Variants in PDE8A observed in about 807,000 individuals in gnomAD.
PDE8A encodes high affinity cAMP-specific and IBMX-insensitive 3',5'-cyclic phosphodiesterase 8A.
PDE8A carries 59 observed loss-of-function variants against 105.0 expected under a neutral mutation model. The observed-to-expected ratio is 0.56, with a 90% confidence interval of 0.46 to 0.70. The LOEUF is 0.70. Ranked by LOEUF, PDE8A falls within the 30% of genes least tolerant of loss-of-function variation. The probability of loss-of-function intolerance (pLI) is 0.00; values close to 1 mark genes in which losing one functional copy is unlikely to be tolerated. For missense variants in PDE8A, 1,014 were observed against 1,045.9 expected, an observed-to-expected ratio of 0.97 and a Z score of 0.42; for synonymous variants, 355 against 371.9, an observed-to-expected ratio of 0.95 and a Z score of 0.52.
At chr15:85,063,507 C>T (rs1413187124) in intron 1 of PDE8A, 1 of 152,206 alleles carries the variant, frequency 6.6e-6, no homozygotes, top group African/African-American at 2.4e-5. Flanking sequence ...CTTCCTTGGG[C>T]CCCTTTGTGT....
chr15:85,041,474 C>G (rs1356688244), intron 1 of PDE8A, among the ~76,000 whole-genome samples: 1 of 152,190 alleles, frequency 6.6e-6, no homozygotes, highest in Admixed American at 6.5e-5. Flanking sequence ...TGTGGAGATG[C>G]ACATCCTCTT....
intron 1 of PDE8A, among the ~76,000 whole-genome samples, chr15:85,035,714 C>G (rs1283168718): frequency 6.6e-6 from 1 of 151,968 alleles, no homozygotes. Flanking sequence ...GATGGAAGTT[C>G]TTTTCTCAAG....
chr15:85,100,160 A>G lies in PDE8A; in HGVS notation c.998A>G (p.Glu333Gly), dbSNP rs1270231097. 2.5e-6 allele frequency: 4 copies of G among 1,613,908 alleles called. No homozygotes were observed. Among genetic ancestry groups the G allele is most frequent in the East Asian group, 2.2e-5 (1 of 44,886 alleles). ...GCTTTTAAAATTCACTTTTAGGCTG[A>G]GAAAATATCCGAATGTGTTCAGTCT... Reference protein sequence around the residue: ...IRVCNGNNKAEKISECVQSDT... With the variant: ...IRVCNGNNKAGKISECVQSDT... Residue 333 changes from glutamate (E) to glycine (G), a missense_variant, in exon 11 of 22, where the codon GAG (glutamate) becomes GGG (glycine). Coordinates refer to ENST00000394553, the MANE Select transcript of PDE8A (RefSeq NM_002605.3).
chr15:85,001,340 C>T (rs993821537), intron 1 of PDE8A, among the ~76,000 whole-genome samples: 7 of 151,926 alleles, frequency 4.6e-5, no homozygotes, highest in Admixed American at 1.3e-4. Flanking sequence ...AAAATGCCCC[C>T]TTTTTTTTGT....
intron 3 of PDE8A, among the ~76,000 whole-genome samples, chr15:85,074,621 G>A (rs569729309): frequency 2.6e-5 from 4 of 152,348 alleles, no homozygotes; most frequent in South Asian, 2.1e-4. Flanking sequence ...AGACTGCAGT[G>A]AGCTGTGATT....
At chr15:84,982,389 G>T in intron 1 of PDE8A, 41 bp downstream of exon 1, 2 of 1,261,320 alleles carry the variant, frequency 1.6e-6, no homozygotes, top group Non-Finnish European at 2.0e-6. Context: ...GCGAAACTCG[G>T]GCCCGGCCAG....
At chr15:84,994,681 G>A (rs11854452) in intron 1 of PDE8A, among the ~76,000 whole-genome samples, 30,436 of 152,152 alleles carry the variant, frequency 0.2, 7,183 homozygotes, top group African/African-American at 0.58. Flanking sequence ...GTAATTGCAA[G>A]TGAGGACGGG....
intron 1 of PDE8A, among the ~76,000 whole-genome samples, chr15:84,996,850 A>AAAAT (rs61005863): frequency 2.0e-5 from 3 of 146,760 alleles, no homozygotes; most frequent in African/African-American, 5.0e-5. Context: ...AAAAAAAAAA[A>AAAAT]GGTGGTACAC....
intron 1 of PDE8A, among the ~76,000 whole-genome samples, chr15:85,003,888 G>A (rs2080104467): frequency 6.6e-6 from 1 of 152,200 alleles, no homozygotes; most frequent in South Asian, 2.1e-4. Flanking sequence ...CCTTCTATCT[G>A]TGGCTCTTTT....
intron 8 of PDE8A, among the ~76,000 whole-genome samples, chr15:85,096,820 T>A (rs2081762479): frequency 6.6e-6 from 1 of 152,192 alleles, no homozygotes; most frequent in South Asian, 2.1e-4. Context: ...TGGTGCCCAT[T>A]GTTTTCAGAA....
chr15:85,101,315 C>A (rs4842864), intron 11 of PDE8A, among the ~76,000 whole-genome samples: 45,012 of 151,896 alleles, frequency 0.3, 6,984 homozygotes, highest in Middle Eastern at 0.37. Context: ...GAAGTGATCC[C>A]CAGGAATGAG....
Position 85,137,988 on chromosome 15 carries a change from C to G in PDE8A, c.*85C>G. 1.2e-6 allele frequency: 1 copy of G among 801,312 alleles called. No homozygotes were observed. The highest frequency in any genetic ancestry group is 1.5e-5 in the South Asian group (1 of 66,852). The allele number at this position is 801,312 out of a possible 1,614,324, so 49.6% of individuals were successfully genotyped here. ...GGCAGCCAGAGCTCCTTGGTCCTTT[C>G]AGTACTAGGCAGAACAGCCCCCGAT... On this transcript the variant is annotated 3_prime_UTR_variant, in exon 22 of 22. Coordinates refer to ENST00000394553, the MANE Select transcript of PDE8A (RefSeq NM_002605.3).
intron 1 of PDE8A, among the ~76,000 whole-genome samples, chr15:85,052,770 G>T: frequency 3.3e-5 from 5 of 152,048 alleles, no homozygotes; most frequent in Admixed American, 6.5e-5. Context: ...CCATTTTGTA[G>T]GTTGCCTGTT....
At chr15:85,084,465 G>A (rs572568436) in intron 6 of PDE8A, among the ~76,000 whole-genome samples, 3 of 152,290 alleles carry the variant, frequency 2.0e-5, no homozygotes, top group Non-Finnish European at 2.9e-5. Flanking sequence ...AGATTTTTAC[G>A]CTGCTAGATT....
At chr15:85,082,589 G>A (rs536211397) in intron 5 of PDE8A, among the ~76,000 whole-genome samples, 3 of 152,170 alleles carry the variant, frequency 2.0e-5, no homozygotes, top group East Asian at 3.9e-4. Flanking sequence ...TGCGTTCACC[G>A]TGGTAGTAGA....
chr15:85,116,936 C>T lies in PDE8A; in HGVS notation c.1536-705C>T, dbSNP rs116859408. ...GAGCATCTGGTTTACATGCTAGTGA[C>T]ATTACATCCATGTGAATTGGGCTAA... On this transcript the variant is annotated intron_variant, in intron 16 of 21. Transcript: ENST00000394553. Among the ~76,000 whole-genome samples the T allele has an allele frequency of 1.3e-3, 201 of 152,342 alleles. 3 individuals carry two copies. In the East Asian group the frequency reaches 0.034, roughly 26 times the overall value.
intron 17 of PDE8A, 60 bp downstream of exon 17, chr15:85,117,899 T>C: frequency 7.6e-7 from 1 of 1,317,578 alleles, no homozygotes; most frequent in Non-Finnish European, 1.1e-6. Flanking sequence ...AGTCTAGTGC[T>C]TCTGCCTCCA....
At chr15:85,099,649 T>G (rs2081824616) in intron 9 of PDE8A, 1 of 212,654 alleles carries the variant, frequency 4.7e-6, no homozygotes, top group Non-Finnish European at 9.4e-6. Context: ...GTGAGCAGAT[T>G]GTTTGTTGGA....
At chr15:85,094,892 A>T (rs930401243) in intron 8 of PDE8A, among the ~76,000 whole-genome samples, 2 of 152,072 alleles carry the variant, frequency 1.3e-5, no homozygotes, top group African/African-American at 2.4e-5. Context: ...TCATTTTGTC[A>T]TGTTGCTTCC....
Sources: allele counts gnomAD v4.1 joint callset (sites outside exome capture counted in the v4.1 genomes callset), GRCh38; gene constraint gnomAD v4.1.1; transcripts MANE v1.5; gene names NCBI Gene and HGNC (gene_info 2026-07-23, HGNC 2026-07-21).